LRRTM4: variants seen among roughly 807,000 people sequenced by gnomAD.
The protein encoded by LRRTM4 is leucine-rich repeat transmembrane neuronal protein 4.
Under a neutral mutation model 47.6 loss-of-function variants are expected in LRRTM4, and 25 were observed. The observed-to-expected ratio is 0.53, with a 90% CI of 0.38 to 0.73. The LOEUF is 0.73. LRRTM4 is among the 30% of genes least tolerant of loss of function. The pLI is 0.00. For missense variants in LRRTM4, 638 were observed against 713.4 expected (o/e 0.89, Z 1.20); for synonymous variants, 311 against 269.5 (o/e 1.15, Z -1.51).
intron 3 of LRRTM4, among the ~76,000 whole-genome samples, chr2:77,430,665 G>A (rs1215480174): frequency 6.8e-6 from 1 of 147,278 alleles, no homozygotes; most frequent in Admixed American, 6.7e-5. Context: ...AGGTTGTGGT[G>A]AGCTGAGACC....
At chr2:76,909,160 A>G (rs1673958262) in intron 3 of LRRTM4, among the ~76,000 whole-genome samples, 1 of 152,226 alleles carries the variant, frequency 6.6e-6, no homozygotes, top group African/African-American at 2.4e-5. Context: ...AGATCAATGG[A>G]ACAGAACAGA....
intron 3 of LRRTM4, among the ~76,000 whole-genome samples, chr2:77,069,884 T>C (rs1442856075): frequency 6.6e-6 from 1 of 152,214 alleles, no homozygotes; most frequent in Non-Finnish European, 1.5e-5. Context: ...TTGTCTTTTC[T>C]ATCTGTTGCC....
chr2:77,488,302 A>G (rs1017739961), intron 3 of LRRTM4, among the ~76,000 whole-genome samples: 19 of 152,228 alleles, frequency 1.2e-4, no homozygotes, highest in Admixed American at 4.6e-4. Flanking sequence ...CACCCATGCC[A>G]GCACCTGGAG....
intron 3 of LRRTM4, among the ~76,000 whole-genome samples, chr2:76,985,123 C>A (rs1416163057): frequency 6.6e-6 from 1 of 151,912 alleles, no homozygotes; most frequent in African/African-American, 2.4e-5. Context: ...AAAAGGAATT[C>A]TTTATCTTCT....
chr2:77,375,391 C>T (rs759702241), intron 3 of LRRTM4, among the ~76,000 whole-genome samples: 3 of 151,702 alleles, frequency 2.0e-5, no homozygotes, highest in Non-Finnish European at 4.4e-5. Context: ...ACATATCCAT[C>T]ACCTCCAAAA....
At chr2:77,139,861 A>T (rs1166356586) in intron 3 of LRRTM4, among the ~76,000 whole-genome samples, 2 of 152,064 alleles carry the variant, frequency 1.3e-5, no homozygotes, top group Non-Finnish European at 2.9e-5. Flanking sequence ...TGATGAGTGA[A>T]CTCCCATTCA....
chr2:77,011,749 T>C lies in LRRTM4; in HGVS notation c.1552-262833A>G, dbSNP rs143987408. Among the ~76,000 whole-genome samples, 65 of 152,232 alleles carry C rather than the reference T, an allele frequency of 4.3e-4. 3 individuals carry two copies. Among genetic ancestry groups the C allele is most frequent in the Admixed American group, 3.9e-3 (60 of 15,256 alleles). On this transcript the variant is annotated intron_variant, in intron 3 of 3. Coordinates refer to ENST00000409884, the MANE Select transcript of LRRTM4 (RefSeq NM_001134745.3). ...ACTCTTTATAGTTAACATTATCTTA[T>C]TGGGGTAAATATATAACTCTTAAAA...
At chr2:77,219,092 T>C (rs903655827) in intron 3 of LRRTM4, among the ~76,000 whole-genome samples, 2 of 152,142 alleles carry the variant, frequency 1.3e-5, no homozygotes, top group African/African-American at 4.8e-5. Context: ...AGGGTTAAAA[T>C]TGATTTTTCC....
At chr2:76,901,036 T>A (rs1471689665) in intron 3 of LRRTM4, among the ~76,000 whole-genome samples, 1 of 152,192 alleles carries the variant, frequency 6.6e-6, no homozygotes, top group African/African-American at 2.4e-5. Flanking sequence ...GAAAAATTGT[T>A]TTTTTAATTT....
intron 3 of LRRTM4, among the ~76,000 whole-genome samples, chr2:77,028,390 G>C (rs538121800): frequency 2.6e-5 from 4 of 152,214 alleles, no homozygotes; most frequent in African/African-American, 9.6e-5. Flanking sequence ...GAGTTGAGAT[G>C]AACTTTCTAA....
chr2:77,004,084 G>C (rs1428557349), intron 3 of LRRTM4, among the ~76,000 whole-genome samples: 1 of 152,170 alleles, frequency 6.6e-6, no homozygotes, highest in East Asian at 1.9e-4. Context: ...AAGTGTTCAA[G>C]AGGAAGTAGA....
intron 3 of LRRTM4, among the ~76,000 whole-genome samples, chr2:76,809,297 C>T (rs144569046): frequency 2.4e-4 from 36 of 152,154 alleles, no homozygotes; most frequent in African/African-American, 7.7e-4. Flanking sequence ...TAATGGTTTC[C>T]ATTTTTATTC....
chr2:76,933,784 C>T (rs562908990), intron 3 of LRRTM4, among the ~76,000 whole-genome samples: 1 of 152,140 alleles, frequency 6.6e-6, no homozygotes, highest in Admixed American at 6.5e-5. Flanking sequence ...GTATCAGAAT[C>T]AATGAATTAT....
At chr2:76,847,852 A>T (rs1001430092) in intron 3 of LRRTM4, among the ~76,000 whole-genome samples, 3 of 152,152 alleles carry the variant, frequency 2.0e-5, no homozygotes, top group African/African-American at 7.2e-5. Flanking sequence ...TTACATAAGA[A>T]AGTGACATGC....
chr2:76,903,621 T>C (rs1013094685), intron 3 of LRRTM4, among the ~76,000 whole-genome samples: 1 of 152,178 alleles, frequency 6.6e-6, no homozygotes, highest in Non-Finnish European at 1.5e-5. Context: ...TTGATGGTGT[T>C]TGTTGGTGAT....
At chr2:76,755,201 A>T (rs1672985110) in intron 3 of LRRTM4, among the ~76,000 whole-genome samples, 4 of 152,166 alleles carry the variant, frequency 2.6e-5, no homozygotes, top group Non-Finnish European at 5.9e-5. Context: ...TACAATGTTC[A>T]ATATTTATAT....
intron 3 of LRRTM4, among the ~76,000 whole-genome samples, chr2:77,275,358 C>T (rs1410845256): frequency 6.7e-6 from 1 of 148,992 alleles, no homozygotes; most frequent in East Asian, 2.2e-4. Flanking sequence ...TAACGTCTTG[C>T]ATAATTAGTG....
intron 3 of LRRTM4, among the ~76,000 whole-genome samples, chr2:76,974,478 CCTA>C (rs1389790742): frequency 3.3e-5 from 5 of 150,804 alleles, no homozygotes; most frequent in African/African-American, 9.7e-5. Context: ...TAACTAAACT[CCTA>C]CTATCTATAC....
chr2:76,898,793 T>C (rs1484088262), intron 3 of LRRTM4, among the ~76,000 whole-genome samples: 1 of 151,070 alleles, frequency 6.6e-6, no homozygotes, highest in Non-Finnish European at 1.5e-5. Flanking sequence ...CTATACATTA[T>C]ATATAATAGA....
Sources: allele counts gnomAD v4.1 joint callset (sites outside exome capture counted in the v4.1 genomes callset), GRCh38; gene constraint gnomAD v4.1.1; transcripts MANE v1.5; gene names NCBI Gene and HGNC (gene_info 2026-07-23, HGNC 2026-07-21).